Variants in PARD3 observed in about 807,000 individuals in gnomAD.
The protein encoded by PARD3 is par-3 family cell polarity regulator.
Under a neutral mutation model 155.4 loss-of-function variants are expected in PARD3, and 75 were observed. That is an observed-to-expected ratio of 0.48 (90% CI 0.40 to 0.58). The LOEUF (loss-of-function observed/expected upper bound fraction) is 0.58, where lower values mean the gene tolerates loss of function less well. Among genes scored for constraint, PARD3 ranks in the 20% least tolerant of loss-of-function variants. PARD3 has a pLI of 0.00. For missense variants in PARD3, 1,642 were observed against 1,721.7 expected (o/e 0.95, Z 0.82); for synonymous variants, 576 against 610.5 (o/e 0.94, Z 0.83).
At chr10:34,211,073 C>A (rs74131646) in intron 22 of PARD3, among the ~76,000 whole-genome samples, 1,740 of 152,192 alleles carry the variant, frequency 0.011, 37 homozygotes, top group African/African-American at 0.04. Flanking sequence ...ACCGGGTTGA[C>A]GTGAGAATTG....
chr10:34,652,168 C>A (rs1427975378), intron 2 of PARD3, among the ~76,000 whole-genome samples: 2 of 152,180 alleles, frequency 1.3e-5, no homozygotes, highest in African/African-American at 2.4e-5. Context: ...GCCTTCTAAG[C>A]AGCTGGGACA....
At chr10:34,454,073 T>C (rs1281481229) in intron 4 of PARD3, among the ~76,000 whole-genome samples, 1 of 152,262 alleles carries the variant, frequency 6.6e-6, no homozygotes. Flanking sequence ...TCTTGAATTA[T>C]TATCAATCAG....
intron 2 of PARD3, among the ~76,000 whole-genome samples, chr10:34,521,727 AC>A (rs1184485709): frequency 6.6e-6 from 1 of 152,092 alleles, no homozygotes; most frequent in Non-Finnish European, 1.5e-5. Context: ...AAACATCAGA[AC>A]CCCCCAACAG....
chr10:34,744,437 C>T (rs1404626453), intron 1 of PARD3, among the ~76,000 whole-genome samples: 2 of 152,104 alleles, frequency 1.3e-5, no homozygotes, highest in East Asian at 1.9e-4. Context: ...TTCTTTTGTC[C>T]CCAAGGGGAG....
intron 2 of PARD3, among the ~76,000 whole-genome samples, chr10:34,609,723 C>G (rs2090744690): frequency 6.6e-6 from 1 of 151,958 alleles, no homozygotes; most frequent in Non-Finnish European, 1.5e-5. Flanking sequence ...TTTGTTTTGT[C>G]GAGACAAAAC....
intron 15 of PARD3, chr10:34,344,337 C>G: frequency 1.1e-6 from 1 of 913,336 alleles, no homozygotes; most frequent in Non-Finnish European, 1.3e-6. Context: ...GGCTGGAGTG[C>G]TGTGGTACGA....
intron 22 of PARD3, among the ~76,000 whole-genome samples, chr10:34,202,941 C>T (rs938777632): frequency 5.8e-4 from 88 of 152,164 alleles, no homozygotes; most frequent in Non-Finnish European, 4.4e-5. Flanking sequence ...GATTGAGAAG[C>T]AGCCACAATG....
intron 5 of PARD3, among the ~76,000 whole-genome samples, chr10:34,418,795 G>C (rs1272705883): frequency 6.6e-6 from 1 of 152,088 alleles, no homozygotes; most frequent in Non-Finnish European, 1.5e-5. Context: ...TTTGGAGACA[G>C]GGTCTTTCTC....
intron 2 of PARD3, among the ~76,000 whole-genome samples, chr10:34,576,334 T>A (rs2086886242): frequency 6.6e-6 from 1 of 152,218 alleles, no homozygotes; most frequent in Non-Finnish European, 1.5e-5. Flanking sequence ...GTCTGCTTGC[T>A]TGTGCATTCT....
At chr10:34,651,229 A>T (rs779296097) in intron 2 of PARD3, among the ~76,000 whole-genome samples, 30 of 152,248 alleles carry the variant, frequency 2.0e-4, no homozygotes, top group Middle Eastern at 3.4e-3. Context: ...GGCAAAAATC[A>T]ATTAGTCAAA....
chr10:34,645,653 A>G (rs371745320), intron 2 of PARD3, among the ~76,000 whole-genome samples: 5 of 152,356 alleles, frequency 3.3e-5, no homozygotes, highest in African/African-American at 1.2e-4. Flanking sequence ...ACAGCATGAA[A>G]TAAACCAAGA....
chr10:34,352,655 T>G (rs191569603), intron 14 of PARD3, among the ~76,000 whole-genome samples: 19 of 152,332 alleles, frequency 1.2e-4, no homozygotes, highest in Non-Finnish European at 2.4e-4. Flanking sequence ...TGCTCAATCT[T>G]GCCCAGGCTG....
chr10:34,118,855 C>G (rs958307202), intron 24 of PARD3, among the ~76,000 whole-genome samples: 5 of 152,186 alleles, frequency 3.3e-5, no homozygotes, highest in African/African-American at 1.2e-4. Context: ...ATTGTGACTA[C>G]AGGAGTCACC....
intron 19 of PARD3, among the ~76,000 whole-genome samples, chr10:34,319,503 C>T (rs957359226): frequency 2.0e-5 from 3 of 152,140 alleles, no homozygotes; most frequent in Admixed American, 6.5e-5. Context: ...TCCTTTTCCT[C>T]GCTATTAAGA....
chr10:34,186,408 A>G (rs561738454), intron 22 of PARD3, among the ~76,000 whole-genome samples: 3 of 151,058 alleles, frequency 2.0e-5, no homozygotes, highest in Admixed American at 1.3e-4. Context: ...ATGCTCCCCA[A>G]TCAGATTCCC....
chr10:34,547,609 T>C (rs1393775922), intron 2 of PARD3, among the ~76,000 whole-genome samples: 1 of 152,202 alleles, frequency 6.6e-6, no homozygotes, highest in Non-Finnish European at 1.5e-5. Context: ...GGGTAGTGGA[T>C]AGTAAGTACT....
At chr10:34,725,163 G>C (rs1177894975) in intron 1 of PARD3, among the ~76,000 whole-genome samples, 1 of 151,350 alleles carries the variant, frequency 6.6e-6, no homozygotes, top group Admixed American at 6.6e-5. Context: ...CAGAGAGAGA[G>C]AGAGAGAGAG....
Position 34,110,154 on chromosome 10 carries a change from C to T in PARD3, c.*1015G>A, listed in dbSNP as rs951362781. The T allele has an allele frequency of 1.1e-4, 16 of 152,198 alleles. No individual in the cohort carries two copies. The highest frequency in any genetic ancestry group is 2.2e-4 in the Non-Finnish European group (15 of 68,042). The allele number at this position is 152,198 out of a possible 1,614,324, so 9.4% of individuals were successfully genotyped here. A position where few individuals can be genotyped will look rare whatever the true frequency, so the allele number is the denominator to read the frequency against. ...TACTTAGGAGCGCGGCATCGCCAGT[C>T]AGACATGCAGTGTGTGGATGCATTA... On this transcript the variant is annotated 3_prime_UTR_variant, in exon 25 of 25. Transcript: ENST00000374788.
chr10:34,709,482 G>C (rs1780704652), intron 1 of PARD3, among the ~76,000 whole-genome samples: 2 of 152,210 alleles, frequency 1.3e-5, no homozygotes, highest in African/African-American at 4.8e-5. Flanking sequence ...ATTTTAAAGA[G>C]AGGGAAGTTA....
Sources: allele counts gnomAD v4.1 joint callset (sites outside exome capture counted in the v4.1 genomes callset), GRCh38; gene constraint gnomAD v4.1.1; transcripts MANE v1.5; gene names NCBI Gene and HGNC (gene_info 2026-07-23, HGNC 2026-07-21).